SLC9D1: variants seen among roughly 807,000 people sequenced by gnomAD.
The protein encoded by SLC9D1 is putative LAG1-interacting protein.
chr13:113,507,175 G>A, the SLC9D1 span, among the ~76,000 whole-genome samples: 3 of 152,082 alleles, frequency 2.0e-5, no homozygotes, highest in Admixed American at 6.5e-5. Flanking sequence ...ACCCGTTGCC[G>A]AGCCTGTGCT....
the SLC9D1 span, chr13:113,524,177 G>A: frequency 4.4e-6 from 2 of 456,318 alleles, no homozygotes; most frequent in Non-Finnish European, 8.8e-6. Flanking sequence ...AGTTGTTGAG[G>A]GAGATGGTAT....
At chr13:113,526,296 CCATA>C in the SLC9D1 span, among the ~76,000 whole-genome samples, 1 of 151,990 alleles carries the variant, frequency 6.6e-6, no homozygotes, top group African/African-American at 2.4e-5. Context: ...TTTTGTACAG[CCATA>C]CAGTTTCTGT....
the SLC9D1 span, chr13:113,520,611 C>G: frequency 8.1e-6 from 13 of 1,606,608 alleles, no homozygotes; most frequent in East Asian, 2.2e-5. Flanking sequence ...CCTTTCCCCC[C>G]ACAGGCGACA....
At chr13:113,496,076 AAG>A in the SLC9D1 span, 2 of 1,309,502 alleles carry the variant, frequency 1.5e-6, no homozygotes, top group Non-Finnish European at 2.1e-6. Context: ...GAGAGAGGTG[AAG>A]AGAGAGGGAG....
chr13:113,501,977 A>C, the SLC9D1 span: 2 of 987,676 alleles, frequency 2.0e-6, no homozygotes, highest in Non-Finnish European at 3.1e-6. Flanking sequence ...TAATGCAGAT[A>C]CCAGCTTCGT....
chr13:113,497,501 C>T, the SLC9D1 span, among the ~76,000 whole-genome samples: 1 of 146,502 alleles, frequency 6.8e-6, no homozygotes, highest in African/African-American at 2.6e-5. Flanking sequence ...GTGAGACCTG[C>T]AGCTGTGTGA....
the SLC9D1 span, chr13:113,504,620 A>T: frequency 6.6e-6 from 1 of 152,260 alleles, no homozygotes; most frequent in Admixed American, 6.5e-5. Context: ...CTGCACTTAG[A>T]ATAATGGTCT....
At chr13:113,493,906 G>A in the SLC9D1 span, among the ~76,000 whole-genome samples, 7 of 152,160 alleles carry the variant, frequency 4.6e-5, no homozygotes, top group South Asian at 1.4e-3. Flanking sequence ...TGTTTGTTTT[G>A]CATAAGGTTT....
chr13:113,534,247 C>T, the SLC9D1 span: 1 of 1,602,366 alleles, frequency 6.2e-7, no homozygotes, highest in Non-Finnish European at 8.5e-7. Flanking sequence ...AACGGTAATT[C>T]TCAAACTATG....
At chr13:113,532,911 G>A in the SLC9D1 span, among the ~76,000 whole-genome samples, 1 of 75,742 alleles carries the variant, frequency 1.3e-5, no homozygotes, top group Non-Finnish European at 2.7e-5. Context: ...GCAGACGTGG[G>A]CCCTGCAGCG....
At chr13:113,509,059 G>GGGACTGGC in the SLC9D1 span, among the ~76,000 whole-genome samples, 2 of 147,520 alleles carry the variant, frequency 1.4e-5, no homozygotes, top group Non-Finnish European at 3.0e-5. Flanking sequence ...TGTGTATGTT[G>GGGACTGGC]GGGCTGGTGG....
the SLC9D1 span, chr13:113,520,873 C>T: frequency 4.5e-6 from 3 of 659,708 alleles, no homozygotes; most frequent in East Asian, 2.7e-5. Flanking sequence ...AGCAACACTG[C>T]CTTGCTCACG....
chr13:113,497,450 C>A, the SLC9D1 span, among the ~76,000 whole-genome samples: 1 of 144,624 alleles, frequency 6.9e-6, no homozygotes, highest in African/African-American at 2.7e-5. Flanking sequence ...GTGAGACCTG[C>A]AGCTGTATGA....
At chr13:113,510,454 C>G in the SLC9D1 span, 1 of 1,590,582 alleles carries the variant, frequency 6.3e-7, no homozygotes, top group Admixed American at 1.7e-5. Context: ...GAGTGCGTGT[C>G]TAATTCATGC....
the SLC9D1 span, among the ~76,000 whole-genome samples, chr13:113,541,152 C>T: frequency 6.3e-4 from 96 of 152,332 alleles, 1 homozygote; most frequent in African/African-American, 2.2e-3. Context: ...CCGGTGCCTC[C>T]AGCTTTGTTC....
chr13:113,516,881 G>A, the SLC9D1 span, among the ~76,000 whole-genome samples: 5 of 152,246 alleles, frequency 3.3e-5, no homozygotes, highest in Non-Finnish European at 7.3e-5. Flanking sequence ...TGAAGAAGGT[G>A]TGGTTTGCAT....
chr13:113,530,791 T>C, the SLC9D1 span, among the ~76,000 whole-genome samples: 41 of 152,368 alleles, frequency 2.7e-4, 1 homozygote, highest in African/African-American at 9.6e-4. Context: ...CTTATGTTTC[T>C]TATTTTATAA....
chr13:113,548,279 T>C, the SLC9D1 span: 1 of 1,612,662 alleles, frequency 6.2e-7, no homozygotes, highest in Non-Finnish European at 8.5e-7. Flanking sequence ...TCTTCAGCAG[T>C]GACGTAATGA....
chr13:113,505,024 T>TGTG, the SLC9D1 span: 2 of 152,208 alleles, frequency 1.3e-5, no homozygotes, highest in Non-Finnish European at 2.9e-5. Context: ...GGTATTGCAT[T>TGTG]GTGGTTTTGA....
Sources: gnomAD v4.1 joint callset for allele counts (sites outside exome capture counted in the v4.1 genomes callset) on GRCh38, gnomAD v4.1.1 for gene constraint, MANE v1.5 for transcripts, NCBI Gene and HGNC (gene_info 2026-07-23, HGNC 2026-07-21) for gene names.